Variants in SLC39A11 observed in about 807,000 individuals in gnomAD.
The protein encoded by SLC39A11 is zinc transporter ZIP11.
Under a neutral mutation model 36.1 loss-of-function variants are expected in SLC39A11, and 33 were observed. The observed-to-expected ratio is 0.91, with a 90% confidence interval of 0.69 to 1.22. The LOEUF (loss-of-function observed/expected upper bound fraction) is 1.22. SLC39A11 is among the 50% of genes most tolerant of loss of function. The pLI is 0.00. For synonymous variants in SLC39A11, 166 were observed against 170.3 expected (o/e 0.97, Z 0.20); for missense variants, 432 against 430.3 (o/e 1.00, Z -0.03).
chr17:72,872,191 G>C (rs2080669109), intron 5 of SLC39A11, among the ~76,000 whole-genome samples: 1 of 152,186 alleles, frequency 6.6e-6, no homozygotes, highest in Non-Finnish European at 1.5e-5. Context: ...CCCAGGAGTG[G>C]AGGGAGTTGG....
rs138248968 is a variant in SLC39A11, at chr17:72,945,742, AC to A, written c.430+2009del. ...TCCCTCCCACACACCTCACTCCGCTACCACTTAACTCTGGGTTGGCCAAGAA... is the reference window on the plus strand; with the variant it reads ...TCCCTCCCACACACCTCACTCCGCTACACTTAACTCTGGGTTGGCCAAGAA... On this transcript the variant is annotated intron_variant, in intron 5 of 9. Coordinates refer to ENST00000255559, the MANE Select transcript of SLC39A11 (RefSeq NM_139177.4). Among the ~76,000 whole-genome samples the A allele has an allele frequency of 4.6e-5, 7 of 152,228 alleles. No individual in the cohort carries two copies. The East Asian group carries it at 1.4e-3, about 29-fold the overall frequency.
intron 1 of SLC39A11, among the ~76,000 whole-genome samples, chr17:73,090,792 G>A (rs534839622): frequency 1.4e-4 from 22 of 152,228 alleles, no homozygotes; most frequent in African/African-American, 4.3e-4. Context: ...GGAAACACCC[G>A]TCTAAGCCTG....
chr17:72,896,583 G>T (rs988629064), intron 5 of SLC39A11, among the ~76,000 whole-genome samples: 1 of 152,174 alleles, frequency 6.6e-6, no homozygotes, highest in Non-Finnish European at 1.5e-5. Flanking sequence ...AAAGACCAAG[G>T]CTGTTCTTCC....
At chr17:72,755,035 A>G (rs1240059125) in intron 6 of SLC39A11, among the ~76,000 whole-genome samples, 1 of 146,192 alleles carries the variant, frequency 6.8e-6, no homozygotes, top group Admixed American at 7.0e-5. Flanking sequence ...GATAGCCCTA[A>G]CAATTAGGCA....
Position 73,012,517 on chromosome 17 carries a change from T to C in SLC39A11, c.306+19039A>G, listed in dbSNP as rs141546669. Among the ~76,000 whole-genome samples the C allele has an allele frequency of 8.4e-3, 1,264 of 150,156 alleles. 13 individuals are homozygous for C. The highest frequency in any genetic ancestry group is 0.03 in the African/African-American group (1,207 of 39,622). On this transcript the variant is annotated intron_variant, in intron 4 of 9. Transcript: ENST00000255559. ...CAAACTGTTTCTGCAAAGGGTCAGA[T>C]AGTATTTCCCAGTTTTTTTTTTTCT...
chr17:72,819,284 A>C (rs1199434181), intron 6 of SLC39A11, among the ~76,000 whole-genome samples: 5 of 151,334 alleles, frequency 3.3e-5, no homozygotes, highest in Non-Finnish European at 7.4e-5. Flanking sequence ...CAAGAGACAG[A>C]GGGAGAAGAA....
chr17:72,823,766 T>A (rs2077896650), intron 6 of SLC39A11: 1 of 151,460 alleles, frequency 6.6e-6, no homozygotes, highest in African/African-American at 2.4e-5. Context: ...GGATCATTAA[T>A]GCTGCATTAG....
chr17:72,697,413 C>G (rs1395061873), intron 7 of SLC39A11, among the ~76,000 whole-genome samples: 1 of 152,166 alleles, frequency 6.6e-6, no homozygotes, highest in Non-Finnish European at 1.5e-5. Context: ...AAAAACTTTC[C>G]TGATTATCCC....
At chr17:72,876,957 C>T (rs1292893613) in intron 5 of SLC39A11, among the ~76,000 whole-genome samples, 3 of 152,198 alleles carry the variant, frequency 2.0e-5, no homozygotes, top group Non-Finnish European at 4.4e-5. Flanking sequence ...GTGCCCACAA[C>T]CACAAAATAA....
At chr17:72,802,495 CAGG>C (rs1464860800) in intron 6 of SLC39A11, among the ~76,000 whole-genome samples, 4 of 150,020 alleles carry the variant, frequency 2.7e-5, no homozygotes, top group Non-Finnish European at 2.9e-5. Context: ...GAGGCTGAGG[CAGG>C]AGAATTCCTT....
chr17:72,717,024 C>CAT (rs1491095122), intron 7 of SLC39A11, among the ~76,000 whole-genome samples: 1 of 140,910 alleles, frequency 7.1e-6, no homozygotes, highest in Non-Finnish European at 1.5e-5. Flanking sequence ...CACACACACA[C>CAT]ATATACACAT....
At chr17:72,842,524 A>G (rs1362143377) in intron 6 of SLC39A11, among the ~76,000 whole-genome samples, 1 of 152,224 alleles carries the variant, frequency 6.6e-6, no homozygotes, top group Non-Finnish European at 1.5e-5. Context: ...AGTGATTAGT[A>G]GGAACTCAAT....
At chr17:72,942,211 C>T (rs756210067) in intron 5 of SLC39A11, among the ~76,000 whole-genome samples, 2 of 151,952 alleles carry the variant, frequency 1.3e-5, no homozygotes, top group African/African-American at 2.4e-5. Context: ...ACCCAGGTTA[C>T]GGGTCTTAGC....
At chr17:72,846,018 C>CTCTTTTTTTTTTTT (rs2079035587) in intron 6 of SLC39A11, among the ~76,000 whole-genome samples, 2 of 57,956 alleles carry the variant, frequency 3.5e-5, no homozygotes, top group Non-Finnish European at 5.7e-5. Flanking sequence ...CTCTCTCTCT[C>CTCTTTTTTTTTTTT]TTTTTTTTTT....
Position 72,959,325 on chromosome 17 carries a change from G to GTGTGTA in SLC39A11, c.307-11451_307-11450insTACACA, listed in dbSNP as rs1436484912. Among the ~76,000 whole-genome samples the GTGTGTA allele has an allele frequency of 8.4e-3, 548 of 65,444 alleles. 10 individuals carry two copies. Among genetic ancestry groups the GTGTGTA allele is most frequent in the African/African-American group, 0.034 (487 of 14,440 alleles). 42.9% of individuals were successfully genotyped at this position (65,444 alleles called of 152,430 possible). On this transcript the variant is annotated intron_variant, in intron 4 of 9. Coordinates refer to ENST00000255559, the MANE Select transcript of SLC39A11 (RefSeq NM_139177.4). Reference sequence around the variant, plus strand: ...CTGGTGTATGTATGTGTGTGTGTGTGTATATATATATATATATATATATAT... The same window carrying GTGTGTA: ...CTGGTGTATGTATGTGTGTGTGTGTGTGTGTATATATATATATATATATATATATAT...
chr17:72,836,601 A>T (rs893545242), intron 6 of SLC39A11, among the ~76,000 whole-genome samples: 2 of 152,094 alleles, frequency 1.3e-5, no homozygotes, highest in African/African-American at 4.8e-5. Context: ...TCGGCCTCCT[A>T]AAGTGCTGAA....
intron 5 of SLC39A11, among the ~76,000 whole-genome samples, chr17:72,927,831 C>T (rs570119427): frequency 6.6e-6 from 1 of 152,078 alleles, no homozygotes; most frequent in Admixed American, 6.5e-5. Flanking sequence ...CATACACACA[C>T]ACACTACACA....
intron 6 of SLC39A11, among the ~76,000 whole-genome samples, chr17:72,830,704 G>T (rs115897211): frequency 1.3e-5 from 2 of 152,152 alleles, no homozygotes; most frequent in South Asian, 2.1e-4. Context: ...TTGGTCCCTC[G>T]CAAGGTAGAG....
chr17:72,721,087 C>CTTTT (rs56090007), intron 7 of SLC39A11, among the ~76,000 whole-genome samples: 29,938 of 125,510 alleles, frequency 0.24, 3,601 homozygotes, highest in African/African-American at 0.34. Flanking sequence ...TGTCCCTCGC[C>CTTTT]TTTTTTTTTT....
Sources: gnomAD v4.1 joint callset for allele counts (sites outside exome capture counted in the v4.1 genomes callset) on GRCh38, gnomAD v4.1.1 for gene constraint, MANE v1.5 for transcripts, NCBI Gene and HGNC (gene_info 2026-07-23, HGNC 2026-07-21) for gene names.